The following OGDH variants were observed in gnomAD, a reference collection of about 807,000 sequenced individuals.
OGDH encodes oxoglutarate dehydrogenase.
Under a neutral mutation model 116.6 loss-of-function variants are expected in OGDH, and 38 were observed. The observed-to-expected ratio is 0.33, with a 90% CI of 0.25 to 0.43. The LOEUF (loss-of-function observed/expected upper bound fraction) is 0.43, where lower values mean the gene tolerates loss of function less well. Ranked by LOEUF, OGDH falls within the 20% of genes least tolerant of loss-of-function variation. The pLI is 1.00. For synonymous variants in OGDH, 488 were observed against 533.3 expected (o/e 0.92, Z 1.17); for missense variants, 825 against 1,357.2 (o/e 0.61, Z 6.16).
In OGDH at chr7:44,666,795, T is replaced by G; in HGVS notation, c.577T>G (p.Phe193Val). Residue 193 changes from phenylalanine to valine, a missense_variant, in exon 5 of 23, where the codon TTC (phenylalanine) becomes GTC (valine). Around this residue, in one of 7 missense-constraint regions of OGDH, gnomAD observed 171 missense variants for 276.8 expected, o/e 0.62. Transcript: ENST00000222673. Reference protein sequence around the residue: ...DKVFHLPTTTFIGGQESALPL... With the variant: ...DKVFHLPTTTVIGGQESALPL... ...GGTCTTCCACTTGCCCACCACCACT[T>G]TCATCGGGGGACAGGAATCAGCACT... 6.2e-7 allele frequency: 1 copy of G among 1,613,226 alleles called. No individual in the cohort carries two copies. Among genetic ancestry groups the G allele is most frequent in the Non-Finnish European group, 8.5e-7 (1 of 1,179,612 alleles).
chr7:44,630,393 C>T (rs1288002021), intron 2 of OGDH, among the ~76,000 whole-genome samples: 2 of 152,192 alleles, frequency 1.3e-5, no homozygotes, highest in Non-Finnish European at 2.9e-5. Flanking sequence ...TGACAAGGAA[C>T]AGCTGTGTTG....
chr7:44,681,939 A>G (rs1399998345), intron 10 of OGDH, 91 bp downstream of exon 10: 2 of 1,500,462 alleles, frequency 1.3e-6, no homozygotes, highest in Non-Finnish European at 1.8e-6. Context: ...CTGTTTTCTG[A>G]TTATAAAAAT....
chr7:44,678,569 G>A (rs1486524257), intron 9 of OGDH, among the ~76,000 whole-genome samples: 1 of 152,210 alleles, frequency 6.6e-6, no homozygotes, highest in African/African-American at 2.4e-5. Context: ...GCATGCAGCT[G>A]AGTCCGAACT....
rs1449618819 is a variant in OGDH at position 44,616,859 on chromosome 7, A to G, written c.-27-7458A>G. On this transcript the variant is annotated intron_variant, in intron 1 of 22. Coordinates refer to ENST00000222673, the MANE Select transcript of OGDH (RefSeq NM_002541.4). ...TACACATATACGTGTATATATATAC[A>G]CATATATATATACGTATATATATAT... 4.6e-4 allele frequency among the ~76,000 whole-genome samples: 49 copies of G among 107,142 alleles called. 1 individual carries two copies. Among genetic ancestry groups the G allele is most frequent in the Middle Eastern group, 4.4e-3 (1 of 226 alleles). 70.3% of individuals were successfully genotyped at this position (107,142 alleles called of 152,430 possible).
At chr7:44,680,511 A>T (rs552265495) in intron 9 of OGDH, among the ~76,000 whole-genome samples, 13 of 151,708 alleles carry the variant, frequency 8.6e-5, no homozygotes, top group African/African-American at 2.2e-4. Context: ...ATTTGGAGGT[A>T]TCAATACAAA....
At chr7:44,647,791 T>C in intron 4 of OGDH, 32 bp downstream of exon 4, 1 of 1,555,194 alleles carries the variant, frequency 6.4e-7, no homozygotes, top group Non-Finnish European at 8.9e-7. Context: ...GCTGCGTTGC[T>C]TGAGCTCCTC....
chr7:44,698,134 T>TG lies in OGDH; in HGVS notation c.2359-57dup, dbSNP rs1357372809. On this transcript the variant is annotated intron_variant, in intron 17 of 22. Transcript: ENST00000222673. ...TAGTTGGTTGAGGAGGAACAGCAGATGCGGCAAATGTCAGTACGCAAGAGC... is the reference window on the plus strand; with the variant it reads ...TAGTTGGTTGAGGAGGAACAGCAGATGGCGGCAAATGTCAGTACGCAAGAGC... 7 of 1,583,182 alleles carry TG rather than the reference T, an allele frequency of 4.4e-6. No individual in the cohort carries two copies. In the African/African-American group the frequency reaches 8.1e-5, roughly 18 times the overall value.
In OGDH at chr7:44,674,685, T is replaced by G. The variant is rs1585339664; in HGVS notation, c.935+128T>G. ...TGCCAGTTGTGAGTCTGGGCTCATC[T>G]GGTACCTGAGGGTGTATTGCTTTGC... is the stretch of plus-strand genomic sequence containing the variant. On this transcript the variant is annotated intron_variant, in intron 7 of 22. Transcript: ENST00000222673. 4.0e-6 allele frequency: 4 copies of G among 1,006,506 alleles called. No homozygotes were observed. The East Asian group carries it at 7.7e-5, about 19-fold the overall frequency. 62.3% of individuals were successfully genotyped at this position (1,006,506 alleles called of 1,614,324 possible). A position where few individuals can be genotyped will look rare whatever the true frequency, so the allele number is the denominator to read the frequency against.
chr7:44,617,593 A>G (rs939728251), intron 1 of OGDH, among the ~76,000 whole-genome samples: 1 of 152,250 alleles, frequency 6.6e-6, no homozygotes, highest in Non-Finnish European at 1.5e-5. Context: ...GGGAGAATTG[A>G]TATCTGTACT....
Position 44,693,917 on chromosome 7 carries a change from C to T in OGDH, c.1428C>T (p.Asn476=). ...TGAATGCCCCCATTTTCCACGTGAACTCAGATGACCCCGAGGCTGTCATGT... is the reference window on the plus strand; with the variant it reads ...TGAATGCCCCCATTTTCCACGTGAATTCAGATGACCCCGAGGCTGTCATGT... ...RVVNAPIFHV[N]SDDPEAVMYV... is the part of the protein sequence containing the mutation. The change falls in exon 11 of 23, where the codon AAC becomes AAT. Residue 476 remains asparagine (N), a synonymous_variant. Transcript: ENST00000222673. The T allele has an allele frequency of 6.2e-7, 1 of 1,614,180 alleles. No individual in the cohort carries two copies.
intron 7 of OGDH, 91 bp downstream of exon 7, chr7:44,674,648 T>G: frequency 1.4e-6 from 2 of 1,416,616 alleles, no homozygotes; most frequent in Admixed American, 1.9e-5. Flanking sequence ...GAGCAGCTGT[T>G]TCCTCCTTGA....
chr7:44,652,606 G>A (rs954957106), intron 4 of OGDH, among the ~76,000 whole-genome samples: 3 of 151,716 alleles, frequency 2.0e-5, no homozygotes, highest in African/African-American at 7.3e-5. Context: ...TTATTATGTT[G>A]CCCAGGCTCG....
intron 4 of OGDH, among the ~76,000 whole-genome samples, chr7:44,664,179 C>T (rs896081775): frequency 9.2e-5 from 14 of 152,132 alleles, no homozygotes; most frequent in African/African-American, 3.1e-4. Flanking sequence ...ACACTGTTCC[C>T]CACTGTGGTG....
intron 12 of OGDH, among the ~76,000 whole-genome samples, chr7:44,695,475 G>A (rs1788539848): frequency 6.6e-6 from 1 of 152,110 alleles, no homozygotes; most frequent in African/African-American, 2.4e-5. Context: ...GGGAGACTGA[G>A]GCAGGTGGAT....
At chr7:44,618,554 A>C (rs1235129287) in intron 1 of OGDH, among the ~76,000 whole-genome samples, 4 of 152,186 alleles carry the variant, frequency 2.6e-5, no homozygotes. Flanking sequence ...TTCCTAAGTA[A>C]CTAAAATAAG....
intron 7 of OGDH, 82 bp from the exon 8 acceptor site, chr7:44,675,095 AG>A (rs3832521): frequency 0.13 from 127,356 of 973,242 alleles, 15,208 homozygotes; most frequent in African/African-American, 0.47. Context: ...GGGGAGGGGG[AG>A]GGGGGGATTG....
intron 5 of OGDH, among the ~76,000 whole-genome samples, chr7:44,672,457 C>A (rs578138251): frequency 1.2e-3 from 181 of 152,196 alleles, no homozygotes; most frequent in Non-Finnish European, 2.0e-3. Flanking sequence ...TTAGAGGAGG[C>A]TTTGGGGGTC....
At chr7:44,670,847 A>G (rs1440120924) in intron 5 of OGDH, among the ~76,000 whole-genome samples, 4 of 151,732 alleles carry the variant, frequency 2.6e-5, no homozygotes, top group African/African-American at 9.7e-5. Flanking sequence ...CGTCTCTACT[A>G]AAAATAGAAG....
chr7:44,616,131 A>G (rs1421590557), intron 1 of OGDH, among the ~76,000 whole-genome samples: 6 of 152,112 alleles, frequency 3.9e-5, no homozygotes, highest in African/African-American at 1.4e-4. Flanking sequence ...TTTGTCTTAA[A>G]TGTAACGCCT....
Sources: allele counts gnomAD v4.1 joint callset (sites outside exome capture counted in the v4.1 genomes callset), GRCh38; gene constraint gnomAD v4.1.1; regional missense constraint gnomAD v4.1.1; transcripts MANE v1.5; gene names NCBI Gene and HGNC (gene_info 2026-07-23, HGNC 2026-07-21).